PTPRD: variants seen among roughly 807,000 people sequenced by gnomAD.
PTPRD encodes protein tyrosine phosphatase receptor type D.
In PTPRD, 34 loss-of-function variants were observed where a neutral mutation model predicts 214.5. The ratio of observed to expected loss-of-function variants is 0.16; its 90% CI spans 0.12 to 0.21. PTPRD has a LOEUF of 0.21. Ranked by LOEUF, PTPRD falls within the 10% of genes least tolerant of loss-of-function variation. The probability of loss-of-function intolerance (pLI) is 1.00; values close to 1 mark genes in which losing one functional copy is unlikely to be tolerated. For missense variants in PTPRD, 2,545 were observed against 2,398.7 expected, an observed-to-expected ratio of 1.06 and a Z score of -1.27; for synonymous variants, 1,128 against 845.7, an observed-to-expected ratio of 1.33 and a Z score of -5.79.
rs149787157 is a variant in PTPRD, at chr9:8,385,126, T to C, written c.4386+4106A>G. ...AAACAGATGCTAGTGAAACTTCTAATACCTGCTAAGGAATCCAGAAGCCTT... is the reference window on the plus strand; with the variant it reads ...AAACAGATGCTAGTGAAACTTCTAACACCTGCTAAGGAATCCAGAAGCCTT... On this transcript the variant is annotated intron_variant, in intron 37 of 45. Transcript: ENST00000381196. Among the ~76,000 whole-genome samples the C allele has an allele frequency of 2.6e-5, 4 of 152,344 alleles. No homozygotes were observed. In the East Asian group the frequency reaches 7.7e-4, roughly 29 times the overall value.
chr9:8,516,430 T>C (rs1431968576), intron 21 of PTPRD, among the ~76,000 whole-genome samples: 1 of 152,158 alleles, frequency 6.6e-6, no homozygotes, highest in Non-Finnish European at 1.5e-5. Context: ...AATAATGGTA[T>C]GAAAATAAAG....
At chr9:9,128,344 T>C (rs147993357) in intron 10 of PTPRD, among the ~76,000 whole-genome samples, 1 of 152,338 alleles carries the variant, frequency 6.6e-6, no homozygotes, top group East Asian at 1.9e-4. Flanking sequence ...AACACACATA[T>C]ACAAACACAT....
intron 3 of PTPRD, among the ~76,000 whole-genome samples, chr9:10,236,814 T>C (rs2099630526): frequency 6.6e-6 from 1 of 151,912 alleles, no homozygotes; most frequent in African/African-American, 2.4e-5. Flanking sequence ...TATTGCATAA[T>C]CCAGTAACTA....
intron 10 of PTPRD, among the ~76,000 whole-genome samples, chr9:9,114,212 C>G (rs1048839671): frequency 6.6e-6 from 1 of 152,162 alleles, no homozygotes; most frequent in African/African-American, 2.4e-5. Context: ...ACTCAGGTTT[C>G]TACAGGGTAG....
chr9:10,416,122 C>A (rs575789798), intron 2 of PTPRD, among the ~76,000 whole-genome samples: 2 of 151,036 alleles, frequency 1.3e-5, no homozygotes, highest in African/African-American at 4.9e-5. Flanking sequence ...CCGAGGCGGG[C>A]GGATCACTTG....
At chr9:10,247,042 T>G (rs1283100845) in intron 3 of PTPRD, among the ~76,000 whole-genome samples, 1 of 152,146 alleles carries the variant, frequency 6.6e-6, no homozygotes, top group South Asian at 2.1e-4. Flanking sequence ...AGAATTGCTA[T>G]AGGGTCAAAG....
intron 11 of PTPRD, among the ~76,000 whole-genome samples, chr9:8,775,093 T>C (rs758559217): frequency 2.0e-5 from 3 of 152,152 alleles, no homozygotes; most frequent in Non-Finnish European, 2.9e-5. Context: ...GTGATGCAGG[T>C]ACTAACATCT....
chr9:9,016,915 T>A (rs1459479049), intron 11 of PTPRD, among the ~76,000 whole-genome samples: 4 of 152,084 alleles, frequency 2.6e-5, no homozygotes, highest in African/African-American at 9.7e-5. Context: ...AAGTGGCTCT[T>A]AATGGTGGTG....
intron 21 of PTPRD, among the ~76,000 whole-genome samples, chr9:8,510,424 C>T (rs1283883957): frequency 1.3e-5 from 2 of 152,180 alleles, no homozygotes; most frequent in East Asian, 3.9e-4. Flanking sequence ...GTGCCCACCA[C>T]CTGAAGAGGG....
chr9:9,572,393 A>C lies in PTPRD; in HGVS notation c.-237+2339T>G, dbSNP rs78929977. Among the ~76,000 whole-genome samples the C allele has an allele frequency of 5.9e-5, 9 of 151,398 alleles. No individual in the cohort carries two copies. In the East Asian group the frequency reaches 1.7e-3, roughly 29 times the overall value. On this transcript the variant is annotated intron_variant, in intron 8 of 45. Coordinates refer to ENST00000381196, the MANE Select transcript of PTPRD (RefSeq NM_002839.4). ...ATATTTGAATCAGGATTATTACTTC[A>C]TGAGGAAAAACACATGCAATTCAAA... is the stretch of plus-strand genomic sequence containing the variant.
chr9:9,817,638 C>T (rs2049196611), intron 5 of PTPRD, among the ~76,000 whole-genome samples: 1 of 152,062 alleles, frequency 6.6e-6, no homozygotes, highest in Admixed American at 6.6e-5. Context: ...ATCTTATTTA[C>T]ATTATTTTTG....
chr9:10,459,400 C>T (rs376257171), intron 2 of PTPRD, among the ~76,000 whole-genome samples: 3 of 152,074 alleles, frequency 2.0e-5, no homozygotes, highest in Non-Finnish European at 2.9e-5. Context: ...ATTTATAATC[C>T]TTTGGGTATA....
intron 11 of PTPRD, among the ~76,000 whole-genome samples, chr9:8,823,349 T>A (rs1471833024): frequency 6.6e-6 from 1 of 152,186 alleles, no homozygotes; most frequent in Non-Finnish European, 1.5e-5. Flanking sequence ...CAACAGCAAT[T>A]GTACCTTTGA....
intron 12 of PTPRD, among the ~76,000 whole-genome samples, chr9:8,670,673 T>A (rs1189019010): frequency 6.6e-6 from 1 of 152,196 alleles, no homozygotes; most frequent in African/African-American, 2.4e-5. Context: ...CAGAAATGGA[T>A]GTCATTTACA....
At chr9:8,678,152 A>G (rs2097472314) in intron 12 of PTPRD, among the ~76,000 whole-genome samples, 1 of 152,194 alleles carries the variant, frequency 6.6e-6, no homozygotes, top group Non-Finnish European at 1.5e-5. Flanking sequence ...AAACATCCAG[A>G]AAACTGCTTC....
intron 3 of PTPRD, among the ~76,000 whole-genome samples, chr9:10,233,969 A>G (rs2099620709): frequency 6.6e-6 from 1 of 151,814 alleles, no homozygotes; most frequent in Admixed American, 6.6e-5. Flanking sequence ...ATAACCACCC[A>G]GAATGAAAGC....
chr9:10,505,339 G>A (rs1194018382), intron 2 of PTPRD, among the ~76,000 whole-genome samples: 1 of 152,104 alleles, frequency 6.6e-6, no homozygotes, highest in African/African-American at 2.4e-5. Flanking sequence ...TTTTCAGCTG[G>A]TACACATATT....
chr9:8,359,117 A>C (rs1187648554), intron 39 of PTPRD, among the ~76,000 whole-genome samples: 8 of 16,972 alleles, frequency 4.7e-4, no homozygotes, highest in East Asian at 2.6e-3. Context: ...CAAAAAAAAA[A>C]AAAAACAAAA....
rs1161934675 is a variant in PTPRD, at chr9:8,521,580, A to G, written c.692-34T>C. The G allele has an allele frequency of 1.9e-6, 3 of 1,599,170 alleles. No individual in the cohort carries two copies. The African/African-American group carries it at 4.0e-5, about 21-fold the overall frequency. On this transcript the variant is annotated intron_variant, in intron 19 of 45. Transcript: ENST00000381196. Reference sequence around the variant, plus strand: ...AAACACAAGGGAAATGATAACATATACAAGGCAAGAAAAAGTGGATTATTA... The same window carrying G: ...AAACACAAGGGAAATGATAACATATGCAAGGCAAGAAAAAGTGGATTATTA...
Sources: allele counts gnomAD v4.1 joint callset (sites outside exome capture counted in the v4.1 genomes callset), GRCh38; gene constraint gnomAD v4.1.1; transcripts MANE v1.5; gene names NCBI Gene and HGNC (gene_info 2026-07-23, HGNC 2026-07-21).